RSPO2: variants seen among roughly 807,000 people sequenced by gnomAD.
RSPO2 encodes R-spondin-2.
A neutral mutation model predicts 30.9 loss-of-function variants in RSPO2; 14 were observed. The ratio of observed to expected loss-of-function variants is 0.45; its 90% CI spans 0.30 to 0.71. The LOEUF (loss-of-function observed/expected upper bound fraction) is 0.71. RSPO2 is among the 30% of genes least tolerant of loss of function. The pLI, the probability that RSPO2 is intolerant of heterozygous loss-of-function variation, is 0.08. For missense variants in RSPO2, 264 were observed against 301.9 expected (o/e 0.87, Z 0.93); for synonymous variants, 107 against 96.4 (o/e 1.11, Z -0.64).
At chr8:107,983,671 G>T in intron 3 of RSPO2, 2 of 1,593,292 alleles carry the variant, frequency 1.3e-6, no homozygotes, top group Non-Finnish European at 1.7e-6. Flanking sequence ...GGAATTCCTT[G>T]TGGCAGAGAA....
chr8:108,022,098 T>A (rs1277007224), intron 2 of RSPO2, among the ~76,000 whole-genome samples: 2 of 152,104 alleles, frequency 1.3e-5, no homozygotes, highest in Non-Finnish European at 2.9e-5. Flanking sequence ...TGACACTTTA[T>A]CCCTCCAGTA....
At position 108,070,975 on chromosome 8, in the gene RSPO2, C is replaced by T. The variant is rs2514847; in HGVS notation, c.94+11570G>A. 4.6e-5 allele frequency among the ~76,000 whole-genome samples: 7 copies of T among 152,238 alleles called. No homozygotes were observed. The East Asian group carries it at 1.2e-3, about 25-fold the overall frequency. On this transcript the variant is annotated intron_variant, in intron 2 of 5. Coordinates refer to ENST00000276659, the MANE Select transcript of RSPO2 (RefSeq NM_178565.5). ...TCAAGTTTGAGGAAATGGTCTTGTT[C>T]CTGCTCTTTCCTTTCCCTAGGTCCA...
At chr8:108,026,977 C>A (rs1049061706) in intron 2 of RSPO2, among the ~76,000 whole-genome samples, 1 of 152,142 alleles carries the variant, frequency 6.6e-6, no homozygotes, top group Non-Finnish European at 1.5e-5. Context: ...AAAATATAGT[C>A]AATCCAAGTA....
At chr8:108,082,059 C>CCA (rs1457321984) in intron 2 of RSPO2, 3 of 239,140 alleles carry the variant, frequency 1.3e-5, no homozygotes, top group South Asian at 1.5e-4. Context: ...CACCCACACA[C>CCA]CACACACACA....
At chr8:107,940,853 AC>A (rs753293469) in intron 5 of RSPO2, among the ~76,000 whole-genome samples, 6 of 152,210 alleles carry the variant, frequency 3.9e-5, no homozygotes, top group Non-Finnish European at 8.8e-5. Flanking sequence ...AACATCAATC[AC>A]AGCTCCCTTC....
chr8:108,003,847 T>C (rs1260680872), intron 2 of RSPO2, among the ~76,000 whole-genome samples: 1 of 152,190 alleles, frequency 6.6e-6, no homozygotes, highest in Non-Finnish European at 1.5e-5. Context: ...CAAATTTGAA[T>C]GCAGTTCTGA....
chr8:107,928,703 A>G (rs1812460792), intron 5 of RSPO2, among the ~76,000 whole-genome samples: 1 of 152,208 alleles, frequency 6.6e-6, no homozygotes, highest in African/African-American at 2.4e-5. Flanking sequence ...CTGCCACTGT[A>G]ACTTATCCAA....
intron 5 of RSPO2, among the ~76,000 whole-genome samples, chr8:107,956,114 C>T (rs558121065): frequency 7.2e-5 from 11 of 152,302 alleles, no homozygotes; most frequent in Non-Finnish European, 1.3e-4. Flanking sequence ...GCTCAAGTTA[C>T]AAAGCTAATT....
At chr8:108,017,162 G>A (rs1323056020) in intron 2 of RSPO2, among the ~76,000 whole-genome samples, 5 of 151,590 alleles carry the variant, frequency 3.3e-5, no homozygotes, top group East Asian at 3.9e-4. Flanking sequence ...GACTACAGGC[G>A]CCCACCACCA....
intron 5 of RSPO2, among the ~76,000 whole-genome samples, chr8:107,939,743 A>G (rs1328338412): frequency 6.6e-6 from 1 of 152,102 alleles, no homozygotes; most frequent in Non-Finnish European, 1.5e-5. Flanking sequence ...CAACATAACA[A>G]GAAAAAAAAC....
At chr8:108,059,045 A>G (rs1812359740) in intron 2 of RSPO2, among the ~76,000 whole-genome samples, 1 of 151,894 alleles carries the variant, frequency 6.6e-6, no homozygotes, top group South Asian at 2.1e-4. Flanking sequence ...AGAAATTACC[A>G]TCAGAGTGAA....
At position 107,931,427 on chromosome 8, in the gene RSPO2, A is replaced by T. The variant is rs377540970; in HGVS notation, c.616+26653T>A. ...TTTATTTTCCTTTCCATCAAAACAC[A>T]TGATTGTTATCACTACATATTACTT... On this transcript the variant is annotated intron_variant, in intron 5 of 5. Transcript: ENST00000276659. 2.0e-5 allele frequency among the ~76,000 whole-genome samples: 3 copies of T among 152,112 alleles called. No individual in the cohort carries two copies. The East Asian group carries it at 5.8e-4, about 29-fold the overall frequency.
At chr8:107,922,182 G>T (rs905290881) in intron 5 of RSPO2, among the ~76,000 whole-genome samples, 7 of 151,420 alleles carry the variant, frequency 4.6e-5, no homozygotes, top group African/African-American at 1.7e-4. Flanking sequence ...CAGATGACAT[G>T]ATTCTATACC....
At chr8:107,903,193 A>T (rs1417250701) in intron 5 of RSPO2, among the ~76,000 whole-genome samples, 1 of 152,168 alleles carries the variant, frequency 6.6e-6, no homozygotes, top group Non-Finnish European at 1.5e-5. Flanking sequence ...CTACATTTTA[A>T]ATTCATTTGG....
At chr8:108,051,955 C>T (rs778223677) in intron 2 of RSPO2, among the ~76,000 whole-genome samples, 2 of 152,102 alleles carry the variant, frequency 1.3e-5, no homozygotes, top group Non-Finnish European at 2.9e-5. Flanking sequence ...GTAACTTGCA[C>T]CAAACTGAGC....
chr8:108,048,977 T>C (rs1811991838), intron 2 of RSPO2, among the ~76,000 whole-genome samples: 1 of 152,124 alleles, frequency 6.6e-6, no homozygotes, highest in African/African-American at 2.4e-5. Context: ...AGTTGTGTGG[T>C]TTTGAGTGAA....
At chr8:108,048,051 G>A (rs556812249) in intron 2 of RSPO2, among the ~76,000 whole-genome samples, 27 of 151,908 alleles carry the variant, frequency 1.8e-4, no homozygotes, top group African/African-American at 2.9e-4. Context: ...GTACTATGCC[G>A]CGTGCTTCTT....
intron 5 of RSPO2, among the ~76,000 whole-genome samples, chr8:107,935,178 C>A (rs10109561): frequency 2.6e-4 from 39 of 152,082 alleles, no homozygotes; most frequent in African/African-American, 9.2e-4. Flanking sequence ...AAGGAACAGC[C>A]CTAAGAGAAT....
chr8:107,908,005 C>T (rs907148097), intron 5 of RSPO2, among the ~76,000 whole-genome samples: 1 of 151,828 alleles, frequency 6.6e-6, no homozygotes, highest in Non-Finnish European at 1.5e-5. Context: ...AAAAGCTAAC[C>T]CTGAAGATCA....
Sources: gnomAD v4.1 joint callset for allele counts (sites outside exome capture counted in the v4.1 genomes callset) on GRCh38, gnomAD v4.1.1 for gene constraint, MANE v1.5 for transcripts, NCBI Gene and HGNC (gene_info 2026-07-23, HGNC 2026-07-21) for gene names.